NCLN: variants seen among roughly 807,000 people sequenced by gnomAD.
The protein encoded by NCLN is BOS complex subunit NCLN.
Under a neutral mutation model 69.5 loss-of-function variants are expected in NCLN, and 34 were observed. The ratio of observed to expected loss-of-function variants is 0.49; its 90% CI spans 0.37 to 0.65. The LOEUF is 0.65. Ranked by LOEUF, NCLN falls within the 30% of genes least tolerant of loss-of-function variation. NCLN has a pLI of 0.00. For synonymous variants in NCLN, 393 were observed against 358.3 expected, an observed-to-expected ratio of 1.10 and a Z score of -1.09; for missense variants, 710 against 804.8, an observed-to-expected ratio of 0.88 and a Z score of 1.42.
At chr19:3,193,593 C>T (rs918624113) in intron 3 of NCLN, among the ~76,000 whole-genome samples, 165 bp downstream of exon 3, 6 of 152,238 alleles carry the variant, frequency 3.9e-5, no homozygotes, top group Non-Finnish European at 7.3e-5. Flanking sequence ...CCTGCTACAT[C>T]ACCACCTCCG....
chr19:3,206,131 C>T, intron 10 of NCLN, 21 bp from the exon 11 acceptor site: 1 of 1,540,376 alleles, frequency 6.5e-7, no homozygotes, highest in Non-Finnish European at 8.7e-7. Context: ...GACTCAGGGC[C>T]ATCCCCTCCT....
rs758838463 is a variant in NCLN, at chr19:3,186,061, A to G, written c.31A>G (p.Asn11Asp). MLEEAGEVLE[N>D]MLKASCLPLG... ...GGAGGAAGCGGGCGAGGTGCTGGAG[A>G]ACATGCTGAAGGCGTCTTGTCTGCC... The change falls in exon 1 of 15, where the codon AAC (asparagine) becomes GAC (aspartate). Residue 11 changes from asparagine (N) to aspartate (D), a missense_variant. By Grantham distance (23) the Asn-to-Asp change is conservative. Coordinates refer to ENST00000246117, the MANE Select transcript of NCLN (RefSeq NM_020170.4). The G allele has an allele frequency of 3.1e-6, 5 of 1,593,870 alleles. No individual in the cohort carries two copies. Among genetic ancestry groups the G allele is most frequent in the Non-Finnish European group, 4.3e-6 (5 of 1,172,744 alleles).
chr19:3,201,985 G>A (rs1026416374), intron 6 of NCLN, among the ~76,000 whole-genome samples: 1 of 152,134 alleles, frequency 6.6e-6, no homozygotes, highest in Non-Finnish European at 1.5e-5. Flanking sequence ...ACTGCAGGGC[G>A]CTGAGCAGCA....
At chr19:3,199,627 G>C (rs1916069515) in intron 5 of NCLN, among the ~76,000 whole-genome samples, 1 of 151,910 alleles carries the variant, frequency 6.6e-6, no homozygotes, top group Admixed American at 6.6e-5. Context: ...GCTCAGCGTG[G>C]GTTGAGCGGG....
chr19:3,198,332 C>T (rs1293282568), intron 4 of NCLN, among the ~76,000 whole-genome samples: 3 of 151,912 alleles, frequency 2.0e-5, no homozygotes, highest in Admixed American at 6.6e-5. Flanking sequence ...TGATGAAACC[C>T]CGTCTCTACT....
intron 5 of NCLN, among the ~76,000 whole-genome samples, chr19:3,199,689 CTTTTTTTTT>C (rs71164662): frequency 5.8e-4 from 40 of 69,544 alleles, no homozygotes; most frequent in Non-Finnish European, 9.8e-4. Context: ...CTGCCTCCTC[CTTTTTTTTT>C]TTTTTTTTTT....
Position 3,207,811 on chromosome 19 carries a change from G to A in NCLN, c.*123G>A, listed in dbSNP as rs967560978. 4.6e-5 allele frequency: 35 copies of A among 768,464 alleles called. No homozygotes were observed. The highest frequency in any genetic ancestry group is 1.4e-4 in the African/African-American group (8 of 57,746). 47.6% of individuals were successfully genotyped at this position (768,464 alleles called of 1,614,324 possible). The stretch of plus-strand genomic sequence containing the variant: ...GACAGGGGCCCTCTCCCTCCCCGGC[G>A]GTGGTTGGAACACTGAATTACAGAG... On this transcript the variant is annotated 3_prime_UTR_variant, in exon 15 of 15. Transcript: ENST00000246117.
chr19:3,190,638 G>A lies in NCLN; in HGVS notation c.185-1832G>A, dbSNP rs570482222. Among the ~76,000 whole-genome samples, 63 of 152,306 alleles carry A rather than the reference G, an allele frequency of 4.1e-4. 1 individual carries two copies. Among genetic ancestry groups the A allele is most frequent in the African/African-American group, 1.4e-3 (59 of 41,576 alleles). The stretch of plus-strand genomic sequence containing the variant: ...AGCATCCAGCATCCACCTTCAGAGC[G>A]AGGCTGGCTCCCACGGGGACGCTGG... On this transcript the variant is annotated intron_variant, in intron 1 of 14. Coordinates refer to ENST00000246117, the MANE Select transcript of NCLN (RefSeq NM_020170.4).
chr19:3,193,500 G>A (rs375816908), intron 3 of NCLN, 72 bp downstream of exon 3: 19 of 1,474,126 alleles, frequency 1.3e-5, no homozygotes, highest in South Asian at 4.0e-5. Flanking sequence ...CAAGGGCTGC[G>A]GTCACCCTGG....
At chr19:3,199,011 T>A in intron 5 of NCLN, 114 bp downstream of exon 5, 1 of 679,162 alleles carries the variant, frequency 1.5e-6, no homozygotes, top group Non-Finnish European at 2.2e-6. Context: ...CGGCTCTCCC[T>A]GTGACGGCCT....
At chr19:3,201,709 G>A in intron 6 of NCLN, 83 bp downstream of exon 6, 1 of 1,187,172 alleles carries the variant, frequency 8.4e-7, no homozygotes, top group Non-Finnish European at 1.2e-6. Context: ...CTCTGCAGAT[G>A]TTTCTCTGGA....
At chr19:3,198,586 G>C (rs929823363) in intron 4 of NCLN, among the ~76,000 whole-genome samples, 2 of 152,052 alleles carry the variant, frequency 1.3e-5, no homozygotes, top group African/African-American at 4.8e-5. Context: ...TTCGACCTGA[G>C]GGCCAGAGCA....
At position 3,203,749 on chromosome 19, in the gene NCLN, C is replaced by T; in HGVS notation, c.801-7C>T. On this transcript the variant is annotated splice_region_variant and splice_polypyrimidine_tract_variant and intron_variant, in intron 6 of 14. Coordinates refer to ENST00000246117, the MANE Select transcript of NCLN (RefSeq NM_020170.4). ...CGTCAAAGCTAACACTGGGTCTTCCCTCCCAGCTACAACCTCCTGTTCTTT... is the reference window on the plus strand; with the variant it reads ...CGTCAAAGCTAACACTGGGTCTTCCTTCCCAGCTACAACCTCCTGTTCTTT... 1 of 1,608,842 alleles carries T rather than the reference C, an allele frequency of 6.2e-7. No homozygotes were observed. Among genetic ancestry groups the T allele is most frequent in the East Asian group, 2.2e-5 (1 of 44,782 alleles).
chr19:3,196,062 G>A (rs1433422035), intron 3 of NCLN, 121 bp from the exon 4 acceptor site: 7 of 561,224 alleles, frequency 1.2e-5, no homozygotes, highest in South Asian at 2.6e-5. Context: ...TGCTGGTCAC[G>A]TCCCCACACC....
rs1187773862 is a variant in NCLN, at chr19:3,208,854, A to G, written c.*1166A>G. 1 of 152,278 alleles carries G rather than the reference A, an allele frequency of 6.6e-6. No individual in the cohort carries two copies. The highest frequency in any genetic ancestry group is 1.5e-5 in the Non-Finnish European group (1 of 68,144). The allele number at this position is 152,278 out of a possible 1,614,324, so 9.4% of individuals were successfully genotyped here. A position where few individuals can be genotyped will look rare whatever the true frequency, so the allele number is the denominator to read the frequency against. Reference sequence around the variant, plus strand: ...AGAGAGGAAGGTCCGGGCCCTCGGGAAGCCTTGGACAGAACCCTCCACCCC... The same window carrying G: ...AGAGAGGAAGGTCCGGGCCCTCGGGGAGCCTTGGACAGAACCCTCCACCCC... On this transcript the variant is annotated 3_prime_UTR_variant, in exon 15 of 15. Coordinates refer to ENST00000246117, the MANE Select transcript of NCLN (RefSeq NM_020170.4).
At chr19:3,187,882 C>T (rs1277917083) in intron 1 of NCLN, among the ~76,000 whole-genome samples, 11 of 152,058 alleles carry the variant, frequency 7.2e-5, no homozygotes, top group Non-Finnish European at 8.8e-5. Context: ...GGGATTTTCC[C>T]GGGGGAAGGG....
chr19:3,196,344 C>T (rs1036405525), intron 4 of NCLN, 67 bp downstream of exon 4: 26 of 1,226,910 alleles, frequency 2.1e-5, no homozygotes, highest in East Asian at 8.0e-5. Context: ...CCTGGCTCCC[C>T]GGCTCGGCCG....
At chr19:3,189,838 C>T (rs997897233) in intron 1 of NCLN, among the ~76,000 whole-genome samples, 3 of 152,218 alleles carry the variant, frequency 2.0e-5, no homozygotes, top group African/African-American at 7.2e-5. Flanking sequence ...CGAGCGGGGG[C>T]TGGGATCCAG....
intron 1 of NCLN, among the ~76,000 whole-genome samples, chr19:3,189,959 C>T (rs768626187): frequency 1.2e-4 from 19 of 152,222 alleles, no homozygotes; most frequent in Non-Finnish European, 1.8e-4. Flanking sequence ...TGTCCCCCTC[C>T]GTTCCTCTGA....
Sources: allele counts gnomAD v4.1 joint callset (sites outside exome capture counted in the v4.1 genomes callset), GRCh38; gene constraint gnomAD v4.1.1; transcripts MANE v1.5; gene names NCBI Gene and HGNC (gene_info 2026-07-23, HGNC 2026-07-21).